ANXA2: variants seen among roughly 807,000 people sequenced by gnomAD.
ANXA2 encodes the protein annexin II.
In ANXA2, 28 loss-of-function variants were observed where a neutral mutation model predicts 47.3. The ratio of observed to expected loss-of-function variants is 0.59; its 90% CI spans 0.44 to 0.81. ANXA2 has a LOEUF of 0.81. Ranked by LOEUF, ANXA2 falls within the 40% of genes least tolerant of loss-of-function variation. The pLI is 0.00. For synonymous variants in ANXA2, 172 were observed against 155.5 expected (o/e 1.11, Z -0.79); for missense variants, 384 against 414.3 (o/e 0.93, Z 0.64).
intron 7 of ANXA2, 174 bp downstream of exon 7, chr15:60,355,745 C>T (rs2062419083): frequency 1.4e-6 from 1 of 691,072 alleles, no homozygotes; most frequent in Non-Finnish European, 2.7e-6. Context: ...GATAAGAAAT[C>T]CTATTATACA....
chr15:60,377,344 C>T (rs1221641239), intron 3 of ANXA2, among the ~76,000 whole-genome samples: 2 of 152,112 alleles, frequency 1.3e-5, no homozygotes, highest in African/African-American at 2.4e-5. Flanking sequence ...TACTGCCTTC[C>T]ACTATGAAAG....
At chr15:60,361,151 G>T in intron 4 of ANXA2, 97 bp from the exon 5 acceptor site, 1 of 854,214 alleles carries the variant, frequency 1.2e-6, no homozygotes, top group Non-Finnish European at 2.0e-6. Context: ...GAAGCAGGTT[G>T]TGAGTCTTTG....
At chr15:60,387,682 T>C (rs1168426221) in intron 1 of ANXA2, among the ~76,000 whole-genome samples, 1 of 152,204 alleles carries the variant, frequency 6.6e-6, no homozygotes, top group Admixed American at 6.5e-5. Flanking sequence ...TAATGGTGGA[T>C]GCATCTATGT....
chr15:60,392,960 A>G (rs1235171073), intron 1 of ANXA2: 2 of 1,143,712 alleles, frequency 1.7e-6, no homozygotes, highest in South Asian at 1.8e-5. Context: ...AAAAAAAAAA[A>G]AAATGTACTG....
At chr15:60,351,062 G>A (rs1273268629) in intron 11 of ANXA2, 131 bp downstream of exon 11, 3 of 817,168 alleles carry the variant, frequency 3.7e-6, no homozygotes, top group Non-Finnish European at 4.1e-6. Context: ...AACCACAGCT[G>A]ACTAGTGTGT....
chr15:60,390,557 G>A, intron 1 of ANXA2: 1 of 444,482 alleles, frequency 2.2e-6, no homozygotes, highest in Non-Finnish European at 4.4e-6. Context: ...TACAAAGGAG[G>A]TTGTGCTGAG....
rs781239402 is a variant in ANXA2 at position 60,397,960 on chromosome 15, A to T, written c.-29T>A. On this transcript the variant is annotated 5_prime_UTR_variant, in exon 1 of 13. Transcript: ENST00000451270. ...CCGCTTACCTGGGCCGTGCGCCGAG[A>T]GCTGAGAGCGTCCCCAAATGCTGAG... 9.1e-5 allele frequency: 116 copies of T among 1,270,138 alleles called. No individual in the cohort carries two copies. The African/African-American group carries it at 1.6e-3, about 18-fold the overall frequency. 78.7% of individuals were successfully genotyped at this position (1,270,138 alleles called of 1,614,324 possible). A position where few individuals can be genotyped will look rare whatever the true frequency, so the allele number is the denominator to read the frequency against.
Position 60,354,168 on chromosome 15 carries a change from C to A in ANXA2, c.574G>T (p.Asp192Tyr). 6.2e-7 allele frequency: 1 copy of A among 1,613,886 alleles called. No individual in the cohort carries two copies. The highest frequency in any genetic ancestry group is 1.1e-5 in the South Asian group (1 of 91,052). The change falls in exon 8 of 13, where the codon GAC (aspartate) becomes TAC (tyrosine). Residue 192 changes from aspartate (D) to tyrosine (Y), a missense_variant. Physicochemically the swap from Asp to Tyr is radical, Grantham distance 160. Transcript: ENST00000451270. The stretch of plus-strand genomic sequence containing the variant: ...TCAGCACTTACCCGAGCATCTTGGT[C>A]AATCAGTTCATAATCAATGACAGAG... ...DGSVIDYELI[D>Y]QDARDLYDAG...
intron 8 of ANXA2, 51 bp downstream of exon 8, chr15:60,354,103 C>G (rs1176720829): frequency 2.0e-6 from 3 of 1,496,160 alleles, no homozygotes; most frequent in Non-Finnish European, 2.8e-6. Context: ...TATAGACTAT[C>G]CAGAGACTTA....
intron 7 of ANXA2, among the ~76,000 whole-genome samples, chr15:60,355,149 C>A (rs1353669744): frequency 6.6e-6 from 1 of 152,060 alleles, no homozygotes; most frequent in Non-Finnish European, 1.5e-5. Context: ...GTTTAGAGGA[C>A]CTTTCACAGC....
At chr15:60,348,606 G>A (rs1895836870) in intron 12 of ANXA2, among the ~76,000 whole-genome samples, 1 of 152,212 alleles carries the variant, frequency 6.6e-6, no homozygotes, top group East Asian at 1.9e-4. Flanking sequence ...TTAGCCGGGT[G>A]TGGTGGCGGG....
At chr15:60,382,821 G>A in intron 2 of ANXA2, 1 of 160,898 alleles carries the variant, frequency 6.2e-6, no homozygotes, top group Non-Finnish European at 1.4e-5. Context: ...AATGCCTCAA[G>A]GACAAGGGTG....
At chr15:60,397,229 C>T in intron 1 of ANXA2, 2 of 965,104 alleles carry the variant, frequency 2.1e-6, no homozygotes, top group Non-Finnish European at 2.5e-6. Context: ...ACAGGACAAC[C>T]CTCCCCACAG....
At chr15:60,366,956 C>G (rs1470079115) in intron 3 of ANXA2, among the ~76,000 whole-genome samples, 73 of 92,274 alleles carry the variant, frequency 7.9e-4, no homozygotes, top group Admixed American at 1.5e-3. Context: ...GCCAGCCGCC[C>G]CGTCCGGGAG....
chr15:60,368,249 A>G (rs1482674261), intron 3 of ANXA2, among the ~76,000 whole-genome samples: 3 of 146,906 alleles, frequency 2.0e-5, no homozygotes, highest in African/African-American at 7.5e-5. Context: ...CCTTCCCTCC[A>G]CTATTGTCCT....
In ANXA2 at chr15:60,355,932, A is replaced by G. The variant is rs1471747327; in HGVS notation, c.515T>C (p.Val172Ala). The change falls in exon 7 of 13, where the codon GTT becomes GCT. Residue 172 changes from valine (V) to alanine (A), a missense_variant. Transcript: ENST00000451270. ...TGGGAAACCAACCTTTGCCAGGGCA[A>G]CCATCAGCTTGCGGAAGTCACCAGA... ...DTSGDFRKLM[V>A]ALAKGRRAED... The G allele has an allele frequency of 6.2e-7, 1 of 1,614,036 alleles. No homozygotes were observed. The highest frequency in any genetic ancestry group is 1.1e-5 in the South Asian group (1 of 91,088).
At chr15:60,356,229 T>G (rs936958307) in intron 6 of ANXA2, among the ~76,000 whole-genome samples, 2 of 152,106 alleles carry the variant, frequency 1.3e-5, no homozygotes, top group Non-Finnish European at 2.9e-5. Flanking sequence ...CTAGATCAAA[T>G]CAGGGATCCT....
At chr15:60,349,889 A>T (rs370420228) in intron 11 of ANXA2, among the ~76,000 whole-genome samples, 3 of 39,926 alleles carry the variant, frequency 7.5e-5, no homozygotes, top group Non-Finnish European at 9.5e-5. Flanking sequence ...AGGAGGCAGG[A>T]GAAGGCAGGG....
At chr15:60,355,062 C>T (rs560924802) in intron 7 of ANXA2, among the ~76,000 whole-genome samples, 196 of 152,242 alleles carry the variant, frequency 1.3e-3, no homozygotes, top group African/African-American at 3.4e-3. Flanking sequence ...TGGCACAGCA[C>T]GCTCTCAGGT....
Sources: gnomAD v4.1 joint callset for allele counts (sites outside exome capture counted in the v4.1 genomes callset) on GRCh38, gnomAD v4.1.1 for gene constraint, MANE v1.5 for transcripts, NCBI Gene and HGNC (gene_info 2026-07-23, HGNC 2026-07-21) for gene names.